CLSTN1: variants seen among roughly 807,000 people sequenced by gnomAD.
The protein encoded by CLSTN1 is calsyntenin 1, also known as calsyntenin-1.
CLSTN1 carries 28 observed loss-of-function variants against 108.3 expected under a neutral mutation model. The ratio of observed to expected loss-of-function variants is 0.26; its 90% confidence interval spans 0.19 to 0.35. The LOEUF is 0.35. Ranked by LOEUF, CLSTN1 falls within the 10% of genes least tolerant of loss-of-function variation. The pLI, the probability that CLSTN1 is intolerant of heterozygous loss-of-function variation, is 1.00. For synonymous variants in CLSTN1, 524 were observed against 534.9 expected, an observed-to-expected ratio of 0.98 and a Z score of 0.28; for missense variants, 1,157 against 1,302.6, an observed-to-expected ratio of 0.89 and a Z score of 1.72.
intron 1 of CLSTN1, among the ~76,000 whole-genome samples, chr1:9,804,185 A>C (rs1486729221): frequency 6.6e-6 from 1 of 151,906 alleles, no homozygotes; most frequent in Admixed American, 6.6e-5. Context: ...ACATGGTGAA[A>C]CCTCGTCTCT....
At chr1:9,799,596 G>A (rs375095725) in intron 1 of CLSTN1, among the ~76,000 whole-genome samples, 6 of 149,944 alleles carry the variant, frequency 4.0e-5, no homozygotes, top group Admixed American at 1.3e-4. Context: ...AGCCGATATC[G>A]CGCCACTGCA....
chr1:9,782,627 TG>T (rs1465956251), intron 1 of CLSTN1, among the ~76,000 whole-genome samples: 1 of 152,154 alleles, frequency 6.6e-6, no homozygotes, highest in Non-Finnish European at 1.5e-5. Flanking sequence ...TAAGTCAAGA[TG>T]AAAAAAATAC....
intron 16 of CLSTN1, among the ~76,000 whole-genome samples, chr1:9,732,871 G>C (rs2101074111): frequency 6.6e-6 from 1 of 152,312 alleles, no homozygotes; most frequent in Admixed American, 6.5e-5. Flanking sequence ...GAGAACTTTT[G>C]GTTCCCTGGA....
chr1:9,793,001 T>A (rs1203853098), intron 1 of CLSTN1, among the ~76,000 whole-genome samples: 1 of 151,240 alleles, frequency 6.6e-6, no homozygotes, highest in Non-Finnish European at 1.5e-5. Flanking sequence ...AAATCTCGAT[T>A]AAAACGCAGA....
intron 1 of CLSTN1, among the ~76,000 whole-genome samples, chr1:9,782,214 G>C (rs1421426752): frequency 6.6e-6 from 1 of 152,154 alleles, no homozygotes; most frequent in Non-Finnish European, 1.5e-5. Context: ...GATTTTAAAA[G>C]TAATGACAAT....
chr1:9,821,629 T>TA (rs1439815077), intron 1 of CLSTN1, among the ~76,000 whole-genome samples: 4 of 152,202 alleles, frequency 2.6e-5, no homozygotes, highest in African/African-American at 9.6e-5. Flanking sequence ...CTTACAGCCG[T>TA]AAAAAATTCA....
At chr1:9,800,909 A>G (rs190709533) in intron 1 of CLSTN1, among the ~76,000 whole-genome samples, 1 of 152,028 alleles carries the variant, frequency 6.6e-6, no homozygotes, top group East Asian at 1.9e-4. Flanking sequence ...ATTGCACTCC[A>G]GCCTAGACAA....
At chr1:9,802,256 T>C (rs1654304546) in intron 1 of CLSTN1, among the ~76,000 whole-genome samples, 1 of 152,202 alleles carries the variant, frequency 6.6e-6, no homozygotes, top group African/African-American at 2.4e-5. Flanking sequence ...TGACAAGGAA[T>C]GCTTCCCTCC....
At chr1:9,745,680 G>A (rs1410223241) in intron 7 of CLSTN1, among the ~76,000 whole-genome samples, 1 of 151,200 alleles carries the variant, frequency 6.6e-6, no homozygotes, top group African/African-American at 2.4e-5. Context: ...TACAATAAAA[G>A]TGGAGTCCTG....
intron 10 of CLSTN1, 45 bp from the exon 11 acceptor site, chr1:9,737,599 T>A: frequency 6.4e-7 from 1 of 1,574,012 alleles, no homozygotes; most frequent in Non-Finnish European, 8.7e-7. Flanking sequence ...ACTGAGAGGT[T>A]AGGGTCTTCA....
At chr1:9,810,112 GGAAGGAAGGAAGGGAGAAGGCAGGGAGGA>G (rs1271024273) in intron 1 of CLSTN1, among the ~76,000 whole-genome samples, 1 of 127,016 alleles carries the variant, frequency 7.9e-6, no homozygotes, top group Non-Finnish European at 1.7e-5. Flanking sequence ...AGGGAGAGAG[GGAAGGAAGGAAGGGAGAAGGCAGGGAGGA>G]AAGGAGGGGA....
intron 1 of CLSTN1, among the ~76,000 whole-genome samples, chr1:9,782,724 G>A (rs1338814150): frequency 3.9e-5 from 6 of 152,126 alleles, no homozygotes; most frequent in South Asian, 2.1e-4. Flanking sequence ...GGCTAGACCC[G>A]GGCCGGGCGT....
At chr1:9,809,609 C>T (rs1319508333) in intron 1 of CLSTN1, among the ~76,000 whole-genome samples, 5 of 151,938 alleles carry the variant, frequency 3.3e-5, no homozygotes, top group African/African-American at 1.2e-4. Flanking sequence ...GGTGAAACCC[C>T]GTCTCTACTA....
At chr1:9,796,199 T>C (rs1464046689) in intron 1 of CLSTN1, among the ~76,000 whole-genome samples, 24 of 146,640 alleles carry the variant, frequency 1.6e-4, no homozygotes, top group African/African-American at 5.3e-4. Context: ...GAGGCAGAGG[T>C]TGCAGTGAGC....
chr1:9,764,188 T>C (rs1241329779), intron 2 of CLSTN1, among the ~76,000 whole-genome samples: 1 of 151,542 alleles, frequency 6.6e-6, no homozygotes, highest in Admixed American at 6.6e-5. Flanking sequence ...TTTTTAGCAA[T>C]GAGCTCTTGT....
At chr1:9,784,996 CT>C (rs549145155) in intron 1 of CLSTN1, among the ~76,000 whole-genome samples, 8,093 of 133,334 alleles carry the variant, frequency 0.061, 430 homozygotes, top group African/African-American at 0.17. Context: ...GTCATAAATT[CT>C]TTTTTTTTTT....
chr1:9,734,624 T>C lies in CLSTN1; in HGVS notation c.2110+324A>G, dbSNP rs1650587174. Among the ~76,000 whole-genome samples the C allele has an allele frequency of 6.7e-6, 1 of 150,030 alleles. No homozygotes were observed. The highest frequency in any genetic ancestry group is 1.5e-5 in the Non-Finnish European group (1 of 67,750). ...TTTCATGTGTCCTGAGCAAGAATTG[T>C]GGGGACATTGTGCCTCCATGGGCTG... On this transcript the variant is annotated intron_variant, in intron 14 of 18. Coordinates refer to ENST00000377298, the MANE Select transcript of CLSTN1 (RefSeq NM_001009566.3). The surrounding 1 kb of genome is among the most constrained non-coding windows in gnomAD (Gnocchi z 4.8).
intron 1 of CLSTN1, among the ~76,000 whole-genome samples, chr1:9,796,602 T>C (rs1184582995): frequency 6.6e-6 from 1 of 150,446 alleles, no homozygotes; most frequent in Non-Finnish European, 1.5e-5. Flanking sequence ...GAGAATGGCG[T>C]GAACCTGAGA....
chr1:9,747,860 G>A lies in CLSTN1; in HGVS notation c.985+1601C>T, dbSNP rs529922434. 7.5e-4 allele frequency among the ~76,000 whole-genome samples: 114 copies of A among 151,992 alleles called. 1 individual carries two copies. The Middle Eastern group carries it at 0.027, about 36-fold the overall frequency. On this transcript the variant is annotated intron_variant, in intron 7 of 18. Transcript: ENST00000377298. ...AGATCGAGACCATCCTGGCTAACAC[G>A]GTGAAACCCCGTTTCTACTAAAAAT...
Sources: allele counts gnomAD v4.1 joint callset (sites outside exome capture counted in the v4.1 genomes callset), GRCh38; gene constraint gnomAD v4.1.1; non-coding constraint Gnocchi (gnomAD v3.1); transcripts MANE v1.5; gene names NCBI Gene and HGNC (gene_info 2026-07-23, HGNC 2026-07-21).